The following FAM200A variants were observed in gnomAD, a reference collection of about 807,000 sequenced individuals.
FAM200A encodes protein FAM200A.
In FAM200A, 26 loss-of-function variants were observed where a neutral mutation model predicts 44.2. The observed-to-expected ratio is 0.59, with a 90% CI of 0.43 to 0.82. The LOEUF is 0.82. Among genes scored for constraint, FAM200A ranks in the 40% least tolerant of loss-of-function variants. The pLI is 0.00. For synonymous variants in FAM200A, 206 were observed against 244.4 expected (o/e 0.84, Z 1.47); for missense variants, 606 against 669.5 (o/e 0.91, Z 1.05).
chr7:99,547,396 C>CGT lies in FAM200A; in HGVS notation c.1010_1011dup (p.Asp338ThrfsTer5). On this transcript the variant is annotated frameshift_variant, in exon 2 of 2. Transcript: ENST00000449309. LOFTEE classifies it high-confidence loss of function. ...TATGCCAATTTTGTTACCCAAATGTCGTCTTCAAAAATATTTGCCAAATGA... is the reference window on the plus strand; with the variant it reads ...TATGCCAATTTTGTTACCCAAATGTCGTGTCTTCAAAAATATTTGCCAAATGA... The CGT allele has an allele frequency of 1.3e-6, 2 of 1,550,812 alleles. No homozygotes were observed. The highest frequency in any genetic ancestry group is 1.7e-6 in the Non-Finnish European group (2 of 1,146,806).
chr7:99,556,072 CTTTCT>C (rs1324591571), upstream of FAM200A, among the ~76,000 whole-genome samples: 1 of 152,130 alleles, frequency 6.6e-6, no homozygotes, highest in African/African-American at 2.4e-5. Flanking sequence ...GGTGGAACAA[CTTTCT>C]TTTACCTTTG....
intron 1 of FAM200A, among the ~76,000 whole-genome samples, chr7:99,550,065 TAAAA>T (rs763644558): frequency 4.7e-5 from 7 of 149,664 alleles, no homozygotes; most frequent in South Asian, 2.1e-4. Flanking sequence ...AAGTAAATAA[TAAAA>T]AAAAACTTAA....
upstream of FAM200A, among the ~76,000 whole-genome samples, chr7:99,555,889 G>C (rs140638389): frequency 1.1e-4 from 16 of 152,174 alleles, no homozygotes; most frequent in East Asian, 2.9e-3. Context: ...CTGGGCTACA[G>C]AGCAAGACTC....
In FAM200A at chr7:99,547,682, A is replaced by G; in HGVS notation, c.726T>C (p.Phe242=). 1 of 1,551,366 alleles carries G rather than the reference A, an allele frequency of 6.4e-7. No individual in the cohort carries two copies. Among genetic ancestry groups the G allele is most frequent in the South Asian group, 1.2e-5 (1 of 83,894 alleles). The part of the protein sequence containing the change: ...THNNAVWNHC[F]IHREALVSKE... ...TGGATACCAAAGCTTCTCGATGAAT[A>G]AAACAGTGATTCCAAACAGCATTGT... Residue 242 remains phenylalanine (F), a synonymous_variant, in exon 2 of 2, where the codon TTT becomes TTC. Coordinates refer to ENST00000449309, the MANE Select transcript of FAM200A (RefSeq NM_145111.4).
upstream of FAM200A, chr7:99,552,259 G>A (rs1354728030): frequency 3.9e-6 from 3 of 767,630 alleles, no homozygotes; most frequent in Non-Finnish European, 4.8e-6. Flanking sequence ...TCCGCTCCGA[G>A]GAGGTGCACA....
upstream of FAM200A, among the ~76,000 whole-genome samples, chr7:99,553,030 T>C (rs1186456715): frequency 1.6e-5 from 2 of 128,988 alleles, no homozygotes; most frequent in African/African-American, 6.9e-5. Context: ...TATATATACA[T>C]GTATATATAT....
At chr7:99,548,567 A>G in intron 1 of FAM200A, 61 bp from the exon 2 acceptor site, 3 of 1,312,438 alleles carry the variant, frequency 2.3e-6, no homozygotes, top group Non-Finnish European at 3.1e-6. Context: ...CTGGGCTAAC[A>G]ACTCATACAA....
rs1802392681 is a variant in FAM200A, at chr7:99,546,669, T to C, written c.*17A>G. ...CCACCACACCTGGCTATACACAGAA[T>C]TTTGTAAAGTTTGTATTTAATGTGA... On this transcript the variant is annotated 3_prime_UTR_variant, in exon 2 of 2. Transcript: ENST00000449309. 6.7e-7 allele frequency: 1 copy of C among 1,488,536 alleles called. No homozygotes were observed. The highest frequency in any genetic ancestry group is 8.9e-7 in the Non-Finnish European group (1 of 1,120,770). 92.2% of individuals were successfully genotyped at this position (1,488,536 alleles called of 1,614,324 possible).
upstream of FAM200A, among the ~76,000 whole-genome samples, chr7:99,556,566 T>G (rs1401349837): frequency 1.3e-5 from 2 of 152,212 alleles, no homozygotes; most frequent in East Asian, 3.8e-4. Context: ...TCTGCTCTGT[T>G]GATCTATTTG....
At position 99,547,144 on chromosome 7, in the gene FAM200A, CTAATTT is replaced by C. The variant is rs1231322643; in HGVS notation, c.1258_1263del (p.Lys420_Leu421del). ...AAAGAAGTGAGATGCAACAATATCT[CTAATTT>C]TATTTCTTTTAAGCAGTCTTCATTA... is the stretch of plus-strand genomic sequence containing the variant. On this transcript the variant is annotated inframe_deletion, in exon 2 of 2. Coordinates refer to ENST00000449309, the MANE Select transcript of FAM200A (RefSeq NM_145111.4). The C allele has an allele frequency of 6.5e-7, 1 of 1,545,702 alleles. No homozygotes were observed. The highest frequency in any genetic ancestry group is 8.7e-7 in the Non-Finnish European group (1 of 1,145,304).
At position 99,547,522 on chromosome 7, in the gene FAM200A, A is replaced by G. The variant is rs940971459; in HGVS notation, c.886T>C (p.Leu296=). 89 of 1,550,556 alleles carry G rather than the reference A, an allele frequency of 5.7e-5. No homozygotes were observed. The highest frequency in any genetic ancestry group is 1.7e-4 in the Middle Eastern group (1 of 6,008). ...SEIGVNHTHL[L]FHTEVRWLSQ... ...AGCCAACGAACTTCTGTATGAAACA[A>G]TAAGTGGGTGTGGTTCACTCCAATC... Residue 296 remains leucine (L), a synonymous_variant, in exon 2 of 2, where the codon TTG becomes CTG. Coordinates refer to ENST00000449309, the MANE Select transcript of FAM200A (RefSeq NM_145111.4).
Position 99,547,491 on chromosome 7 carries a change from T to G in FAM200A, c.917A>C (p.Gln306Pro). Reference protein sequence around the residue: ...LFHTEVRWLSQGKVLSRVYEL... With the variant: ...LFHTEVRWLSPGKVLSRVYEL... Reference sequence around the variant, plus strand: ...ATATACTCTGCTCAATACTTTTCCTTGAGAAAGCCAACGAACTTCTGTATG... The same window carrying G: ...ATATACTCTGCTCAATACTTTTCCTGGAGAAAGCCAACGAACTTCTGTATG... Residue 306 changes from glutamine to proline, a missense_variant, in exon 2 of 2, where the codon CAA becomes CCA. Physicochemically the swap from Gln to Pro is moderately conservative, Grantham distance 76. Transcript: ENST00000449309. The G allele has an allele frequency of 6.5e-7, 1 of 1,549,662 alleles. No individual in the cohort carries two copies. Among genetic ancestry groups the G allele is most frequent in the Non-Finnish European group, 8.7e-7 (1 of 1,145,920 alleles).
chr7:99,552,159 G>T (rs1000224193), upstream of FAM200A: 1 of 985,350 alleles, frequency 1.0e-6, no homozygotes, highest in African/African-American at 1.7e-5. Flanking sequence ...GCTGCGCTCC[G>T]CTTCGGGGTC....
In FAM200A at chr7:99,547,134, AAC is replaced by A. The variant is rs1235967624; in HGVS notation, c.1272_1273del (p.Leu424PhefsTer11). Reference sequence around the variant, plus strand: ...AGTTTGAGACAAAGAAGTGAGATGCAACAATATCTCTAATTTTATTTCTTTTA... The same window carrying A: ...AGTTTGAGACAAAGAAGTGAGATGCAAATATCTCTAATTTTATTTCTTTTA... On this transcript the variant is annotated frameshift_variant, in exon 2 of 2. Transcript: ENST00000449309. LOFTEE classifies it high-confidence loss of function. 6 of 1,546,288 alleles carry A rather than the reference AAC, an allele frequency of 3.9e-6. No individual in the cohort carries two copies. Among genetic ancestry groups the A allele is most frequent in the Non-Finnish European group, 5.2e-6 (6 of 1,145,530 alleles).
At position 99,548,385 on chromosome 7, in the gene FAM200A, G is replaced by T. The variant is rs1802438938; in HGVS notation, c.23C>A (p.Thr8Asn). The T allele has an allele frequency of 6.2e-7, 1 of 1,613,664 alleles. No homozygotes were observed. Among genetic ancestry groups the T allele is most frequent in the Non-Finnish European group, 8.5e-7 (1 of 1,179,888 alleles). Reference protein sequence around the residue: MTPESRDTTDLSPGGTQE... With the variant: MTPESRDNTDLSPGGTQE... ...GGTACCCCCTGGAGACAAATCTGTAGTATCCCTTGATTCAGGAGTCATTAT... is the reference window on the plus strand; with the variant it reads ...GGTACCCCCTGGAGACAAATCTGTATTATCCCTTGATTCAGGAGTCATTAT... The change falls in exon 2 of 2, where the codon ACT becomes AAT. Residue 8 changes from threonine to asparagine, a missense_variant. By Grantham distance (65) the Thr-to-Asn change is moderately conservative. Coordinates refer to ENST00000449309, the MANE Select transcript of FAM200A (RefSeq NM_145111.4).
intron 1 of FAM200A, among the ~76,000 whole-genome samples, chr7:99,550,723 T>G (rs955512068): frequency 1.3e-5 from 2 of 152,152 alleles, no homozygotes; most frequent in African/African-American, 4.8e-5. Flanking sequence ...TATCCCTCGA[T>G]GTCAAGCATA....
upstream of FAM200A, among the ~76,000 whole-genome samples, chr7:99,553,074 T>TATATATATACACAC (rs1802584611): frequency 5.1e-5 from 4 of 78,526 alleles, no homozygotes; most frequent in Admixed American, 2.5e-4. Context: ...CACACACATA[T>TATATATATACACAC]ATATATATAT....
intron 1 of FAM200A, among the ~76,000 whole-genome samples, chr7:99,550,236 G>A (rs889542662): frequency 6.6e-6 from 1 of 151,202 alleles, no homozygotes; most frequent in Non-Finnish European, 1.5e-5. Flanking sequence ...TCAGCCTCCC[G>A]AGTAGCTGGG....
intron 1 of FAM200A, among the ~76,000 whole-genome samples, chr7:99,557,621 G>A (rs1802734319): frequency 6.6e-6 from 1 of 152,204 alleles, no homozygotes; most frequent in African/African-American, 2.4e-5. Context: ...GGGCACTGCA[G>A]ACTAGAGAGA....
Sources: allele counts gnomAD v4.1 joint callset (sites outside exome capture counted in the v4.1 genomes callset), GRCh38; gene constraint gnomAD v4.1.1; transcripts MANE v1.5; gene names NCBI Gene and HGNC (gene_info 2026-07-23, HGNC 2026-07-21).